ATP2C2: variants seen among roughly 807,000 people sequenced by gnomAD.
ATP2C2 encodes calcium-transporting ATPase type 2C member 2.
In ATP2C2, 171 loss-of-function variants were observed where a neutral mutation model predicts 110.8. The observed-to-expected ratio is 1.54, with a 90% CI of 1.36 to 1.75. The LOEUF is 1.75. Among genes scored for constraint, ATP2C2 ranks in the 40% most tolerant of loss-of-function variants. ATP2C2 has a pLI of 0.00. For missense variants in ATP2C2, 1,963 were observed against 1,235.0 expected, an observed-to-expected ratio of 1.59 and a Z score of -8.84; for synonymous variants, 804 against 508.4, an observed-to-expected ratio of 1.58 and a Z score of -7.82.
chr16:84,382,274 T>C (rs996718413), intron 1 of ATP2C2, among the ~76,000 whole-genome samples: 3 of 152,196 alleles, frequency 2.0e-5, no homozygotes, highest in African/African-American at 7.2e-5. Context: ...CTGAGAATGA[T>C]GGTTTCCAGC....
At chr16:84,396,032 A>G (rs1904951991) in intron 1 of ATP2C2, among the ~76,000 whole-genome samples, 1 of 151,986 alleles carries the variant, frequency 6.6e-6, no homozygotes, top group South Asian at 2.1e-4. Flanking sequence ...GAGTTTGACT[A>G]TTTTAGGGAC....
intron 7 of ATP2C2, among the ~76,000 whole-genome samples, chr16:84,416,714 A>C (rs1906865273): frequency 1.3e-5 from 2 of 152,182 alleles, no homozygotes; most frequent in African/African-American, 2.4e-5. Context: ...CCTCGGGCTC[A>C]GGCTGGTGCC....
chr16:84,420,838 C>G (rs1289253776), intron 7 of ATP2C2, among the ~76,000 whole-genome samples: 2 of 152,168 alleles, frequency 1.3e-5, no homozygotes, highest in Non-Finnish European at 2.9e-5. Context: ...CAGAGTCTCT[C>G]TCTGTCACCC....
chr16:84,455,076 G>GGGT (rs1555568542), intron 21 of ATP2C2, 92 bp downstream of exon 21: 10 of 1,501,984 alleles, frequency 6.7e-6, no homozygotes, highest in African/African-American at 1.4e-5. Flanking sequence ...ATAGAGGGGG[G>GGGT]GGTCTCGCGG....
In ATP2C2 at chr16:84,459,462, C is replaced by G. The variant is rs769648182; in HGVS notation, c.2333+76C>G. On this transcript the variant is annotated intron_variant, in intron 23 of 26. Coordinates refer to ENST00000262429, the MANE Select transcript of ATP2C2 (RefSeq NM_014861.4). ...CTTCCTCCAGGGGCTGCTGGCTGTG[C>G]CCCAAGGCTATAGGGATGAACAAAT... 70 of 1,603,058 alleles carry G rather than the reference C, an allele frequency of 4.4e-5. 1 individual carries two copies. The Middle Eastern group carries it at 5.0e-4, about 11-fold the overall frequency.
At chr16:84,405,853 G>T (rs1446666353) in intron 3 of ATP2C2, among the ~76,000 whole-genome samples, 2 of 152,172 alleles carry the variant, frequency 1.3e-5, no homozygotes, top group Non-Finnish European at 2.9e-5. Flanking sequence ...CCAGGAGGTG[G>T]AGGCTGCAGT....
intron 1 of ATP2C2, among the ~76,000 whole-genome samples, chr16:84,369,474 C>T (rs188734563): frequency 2.7e-5 from 4 of 150,894 alleles, no homozygotes; most frequent in Non-Finnish European, 4.4e-5. Flanking sequence ...TCTGCAGAAG[C>T]GTTTCTCTGC....
At chr16:84,390,275 G>A (rs931284621) in intron 1 of ATP2C2, among the ~76,000 whole-genome samples, 1 of 152,248 alleles carries the variant, frequency 6.6e-6, no homozygotes, top group African/African-American at 2.4e-5. Flanking sequence ...CTGTTCGCCC[G>A]GAGGTGCCGC....
chr16:84,378,543 T>G (rs1910385848), intron 1 of ATP2C2, among the ~76,000 whole-genome samples: 1 of 152,168 alleles, frequency 6.6e-6, no homozygotes, highest in African/African-American at 2.4e-5. Flanking sequence ...CAGTGAATGT[T>G]AGTAATCAAA....
intron 1 of ATP2C2, among the ~76,000 whole-genome samples, chr16:84,390,284 G>A (rs59273742): frequency 0.039 from 5,928 of 152,306 alleles, 354 homozygotes; most frequent in African/African-American, 0.14. Flanking sequence ...CGGAGGTGCC[G>A]CTGGCTCCCT....
intron 6 of ATP2C2, among the ~76,000 whole-genome samples, chr16:84,414,038 C>A (rs1005081053): frequency 6.6e-6 from 1 of 152,002 alleles, no homozygotes; most frequent in Non-Finnish European, 1.5e-5. Flanking sequence ...AATAAAAAAC[C>A]CCACTGAGAT....
chr16:84,462,270 CT>C (rs1911455150), intron 26 of ATP2C2, 141 bp downstream of exon 26: 2 of 1,120,266 alleles, frequency 1.8e-6, no homozygotes, highest in Admixed American at 2.5e-5. Context: ...CTTCAGGGCC[CT>C]TCTGTCCTCA....
In ATP2C2 at chr16:84,394,018, AT is replaced by A. The variant is rs58799851; in HGVS notation, c.100-4480del. ...TAAAAATACCAAAAAAAATAAAAAAATAAAAAATAAAAAGGCCTGGTGTGAT... is the reference window on the plus strand; with the variant it reads ...TAAAAATACCAAAAAAAATAAAAAAAAAAAAATAAAAAGGCCTGGTGTGAT... On this transcript the variant is annotated intron_variant, in intron 1 of 26. Transcript: ENST00000262429. Among the ~76,000 whole-genome samples, 521 of 149,390 alleles carry A rather than the reference AT, an allele frequency of 3.5e-3. 10 individuals carry two copies. The highest frequency in any genetic ancestry group is 0.011 in the African/African-American group (435 of 40,108).
intron 6 of ATP2C2, among the ~76,000 whole-genome samples, chr16:84,411,886 C>G (rs1016008065): frequency 4.6e-5 from 7 of 152,082 alleles, no homozygotes; most frequent in Non-Finnish European, 7.4e-5. Flanking sequence ...AGGAAGCTGA[C>G]AGGCCCAGGA....
At chr16:84,459,565 G>C (rs748173969) in intron 23 of ATP2C2, 179 bp downstream of exon 23, 1 of 1,536,872 alleles carries the variant, frequency 6.5e-7, no homozygotes, top group Non-Finnish European at 8.7e-7. Context: ...GAAGGCAGAG[G>C]AGAAAGTACC....
chr16:84,426,690 C>T lies in ATP2C2; in HGVS notation c.986+889C>T, dbSNP rs142461049. On this transcript the variant is annotated intron_variant, in intron 11 of 26. Coordinates refer to ENST00000262429, the MANE Select transcript of ATP2C2 (RefSeq NM_014861.4). ...GCAAGCACCCACATGATACACAGTG[C>T]AGAGTGAGTGTTGGCTCTTAATACT... Among the ~76,000 whole-genome samples, 40 of 152,292 alleles carry T rather than the reference C, an allele frequency of 2.6e-4. 1 individual carries two copies. The highest frequency in any genetic ancestry group is 8.9e-4 in the African/African-American group (37 of 41,572).
chr16:84,440,933 A>G lies in ATP2C2; in HGVS notation c.1286A>G (p.Asn429Ser), dbSNP rs374344981. Residue 429 changes from asparagine (N) to serine (S), a missense_variant, in exon 14 of 27, where the codon AAT (asparagine) becomes AGT (serine). Asn to Ser is a conservative substitution (Grantham distance 46, BLOSUM62 1). Coordinates refer to ENST00000262429, the MANE Select transcript of ATP2C2 (RefSeq NM_014861.4). ...AAGGAAGTCATTAAGGAATTTTCCA[A>G]TGTCTCAGTGGGAAAGTTAGTGGAG... ...PSKEVIKEFSNVSVGKLVEAG... is the reference protein window; with the variant it reads ...PSKEVIKEFSSVSVGKLVEAG... 4.0e-5 allele frequency: 64 copies of G among 1,612,860 alleles called. No individual in the cohort carries two copies. The Middle Eastern group carries it at 6.6e-4, about 17-fold the overall frequency.
rs570580660 is a variant in ATP2C2, at chr16:84,448,818, A to G, written c.1660+129A>G. 735 of 1,279,288 alleles carry G rather than the reference A, an allele frequency of 5.7e-4. 14 individuals are homozygous for G. The South Asian group carries it at 0.01, about 18-fold the overall frequency. 79.2% of individuals were successfully genotyped at this position (1,279,288 alleles called of 1,614,324 possible). ...GGAGTCAGGCAGCATGCTGACGGCA[A>G]TAATGTGTGCTTGGAACCTGATGGT... On this transcript the variant is annotated intron_variant, in intron 17 of 26. Transcript: ENST00000262429.
chr16:84,425,626 C>G, intron 10 of ATP2C2, 109 bp from the exon 11 acceptor site: 1 of 1,233,856 alleles, frequency 8.1e-7, no homozygotes, highest in South Asian at 1.2e-5. Flanking sequence ...TCAGGCGTTC[C>G]TCTGTGCATG....
Sources: allele counts gnomAD v4.1 joint callset (sites outside exome capture counted in the v4.1 genomes callset), GRCh38; gene constraint gnomAD v4.1.1; transcripts MANE v1.5; gene names NCBI Gene and HGNC (gene_info 2026-07-23, HGNC 2026-07-21).